Variants in FGF14 observed in about 807,000 individuals in gnomAD.
The protein encoded by FGF14 is fibroblast growth factor homologous factor 4.
FGF14 carries 5 observed loss-of-function variants against 25.5 expected under a neutral mutation model. The ratio of observed to expected loss-of-function variants is 0.20; its 90% CI spans 0.10 to 0.41. FGF14 has a LOEUF of 0.41. Among genes scored for constraint, FGF14 ranks in the 10% least tolerant of loss-of-function variants. The pLI is 1.00. For synonymous variants in FGF14, 138 were observed against 118.3 expected (o/e 1.17, Z -1.08); for missense variants, 222 against 320.1 (o/e 0.69, Z 2.34).
chr13:102,098,739 C>T (rs78066978), intron 1 of FGF14, among the ~76,000 whole-genome samples: 5,649 of 152,194 alleles, frequency 0.037, 131 homozygotes, highest in Middle Eastern at 0.065. Flanking sequence ...TTGGAGAGGA[C>T]CTATCAGGGG....
At chr13:102,043,173 C>A (rs1319156952) in intron 1 of FGF14, among the ~76,000 whole-genome samples, 1 of 152,138 alleles carries the variant, frequency 6.6e-6, no homozygotes, top group African/African-American at 2.4e-5. Flanking sequence ...GCATATAATC[C>A]TTAAAACAAC....
intron 1 of FGF14, among the ~76,000 whole-genome samples, chr13:101,974,425 A>G (rs980089489): frequency 2.0e-5 from 3 of 152,250 alleles, no homozygotes; most frequent in African/African-American, 7.2e-5. Flanking sequence ...CATAAAACAC[A>G]CAAAACATTT....
At chr13:102,393,669 A>C (rs771415235) in intron 1 of FGF14, 1 of 152,226 alleles carries the variant, frequency 6.6e-6, no homozygotes, top group Non-Finnish European at 1.5e-5. Flanking sequence ...TTCAGCACCA[A>C]CCACACAATT....
chr13:102,140,078 G>C (rs1243460886), intron 1 of FGF14, among the ~76,000 whole-genome samples: 1 of 139,350 alleles, frequency 7.2e-6, no homozygotes, highest in African/African-American at 2.8e-5. Context: ...AGTCATCCGT[G>C]TTTGGTGCTT....
At chr13:101,961,645 G>A (rs1851892979) in intron 1 of FGF14, among the ~76,000 whole-genome samples, 1 of 152,082 alleles carries the variant, frequency 6.6e-6, no homozygotes, top group Admixed American at 6.5e-5. Flanking sequence ...TTGAATCATG[G>A]GGACGGTTAC....
chr13:101,739,727 T>C (rs1406538471), intron 3 of FGF14, among the ~76,000 whole-genome samples: 2 of 152,140 alleles, frequency 1.3e-5, no homozygotes, highest in Non-Finnish European at 2.9e-5. Flanking sequence ...GTGAAACCAG[T>C]GGTCACATTA....
chr13:101,912,007 T>G (rs995480542), intron 1 of FGF14, among the ~76,000 whole-genome samples: 7 of 142,396 alleles, frequency 4.9e-5, no homozygotes, highest in Admixed American at 2.7e-4. Flanking sequence ...AAACAGTGTT[T>G]TTTTTTTTTT....
At chr13:102,248,846 G>A (rs1275220130) in intron 1 of FGF14, among the ~76,000 whole-genome samples, 1 of 152,032 alleles carries the variant, frequency 6.6e-6, no homozygotes, top group Non-Finnish European at 1.5e-5. Flanking sequence ...AACGAAAGCT[G>A]AAAAAAGCAT....
chr13:102,360,366 A>G (rs576152423), intron 1 of FGF14, among the ~76,000 whole-genome samples: 1 of 152,316 alleles, frequency 6.6e-6, no homozygotes, highest in South Asian at 2.1e-4. Context: ...TGCTACTTAT[A>G]TCTGCTCAAA....
At chr13:102,394,188 A>G (rs1233840314) in intron 1 of FGF14, among the ~76,000 whole-genome samples, 1 of 152,262 alleles carries the variant, frequency 6.6e-6, no homozygotes, top group East Asian at 1.9e-4. Flanking sequence ...AATCACCAGC[A>G]ACGCCAGCTC....
chr13:102,327,132 T>C lies in FGF14; in HGVS notation c.208+74339A>G, dbSNP rs899498192. ...AAAGTTCAAAAATGCCAAGTAATGG[T>C]CTACCAGCCTACCTGGTGTAGATTT... On this transcript the variant is annotated intron_variant, in intron 1 of 4. Transcript: ENST00000376131. Among the ~76,000 whole-genome samples, 16 of 152,206 alleles carry C rather than the reference T, an allele frequency of 1.1e-4. No individual in the cohort carries two copies. The East Asian group carries it at 3.1e-3, about 29-fold the overall frequency.
chr13:101,797,919 T>C (rs1190117134), intron 3 of FGF14, among the ~76,000 whole-genome samples: 1 of 152,078 alleles, frequency 6.6e-6, no homozygotes, highest in Non-Finnish European at 1.5e-5. Context: ...AGTCTTTTGT[T>C]CAAAGACATA....
intron 3 of FGF14, among the ~76,000 whole-genome samples, chr13:101,757,498 A>G (rs2037741282): frequency 6.6e-6 from 1 of 152,228 alleles, no homozygotes; most frequent in Non-Finnish European, 1.5e-5. Flanking sequence ...TTATTTAGAA[A>G]TTGAAAGTTA....
At chr13:102,368,207 C>T (rs1308500491) in intron 1 of FGF14, among the ~76,000 whole-genome samples, 1 of 152,134 alleles carries the variant, frequency 6.6e-6, no homozygotes, top group African/African-American at 2.4e-5. Flanking sequence ...TATTTTAATT[C>T]ACGTACATAA....
chr13:101,754,508 C>T (rs1490927816), intron 3 of FGF14, among the ~76,000 whole-genome samples: 2 of 151,952 alleles, frequency 1.3e-5, no homozygotes, highest in Non-Finnish European at 2.9e-5. Context: ...GCAGGTGGAT[C>T]GCCTGAGGTC....
intron 1 of FGF14, among the ~76,000 whole-genome samples, chr13:101,983,224 G>A (rs1395208511): frequency 6.6e-6 from 1 of 152,172 alleles, no homozygotes; most frequent in Admixed American, 6.5e-5. Flanking sequence ...TCAGCACTCA[G>A]TATTCCTGAT....
intron 3 of FGF14, among the ~76,000 whole-genome samples, chr13:101,774,223 G>T (rs1194092416): frequency 6.6e-6 from 1 of 152,090 alleles, no homozygotes; most frequent in Non-Finnish European, 1.5e-5. Context: ...TTATTTAAGG[G>T]ATTGGACCCA....
intron 1 of FGF14, among the ~76,000 whole-genome samples, chr13:102,260,424 G>A (rs1483448717): frequency 1.3e-5 from 2 of 152,206 alleles, no homozygotes; most frequent in Admixed American, 6.5e-5. Flanking sequence ...AGGCACTGGC[G>A]TGGCAGCATT....
At chr13:102,230,599 C>T (rs1010950675) in intron 1 of FGF14, among the ~76,000 whole-genome samples, 3 of 152,068 alleles carry the variant, frequency 2.0e-5, no homozygotes, top group African/African-American at 4.8e-5. Flanking sequence ...CAGGCGGTAG[C>T]AGGTGGAAAG....
Sources: allele counts gnomAD v4.1 joint callset (sites outside exome capture counted in the v4.1 genomes callset), GRCh38; gene constraint gnomAD v4.1.1; transcripts MANE v1.5; gene names NCBI Gene and HGNC (gene_info 2026-07-23, HGNC 2026-07-21).